KBTBD4: variants seen among roughly 807,000 people sequenced by gnomAD.
The protein encoded by KBTBD4 is kelch repeat and BTB domain containing 4.
KBTBD4 carries 30 observed loss-of-function variants against 43.9 expected under a neutral mutation model. The observed-to-expected ratio is 0.68, with a 90% confidence interval of 0.51 to 0.93. The LOEUF is 0.93. Ranked by LOEUF, KBTBD4 falls within the 40% of genes least tolerant of loss-of-function variation. KBTBD4 has a pLI of 0.00. For synonymous variants in KBTBD4, 258 were observed against 256.9 expected, an observed-to-expected ratio of 1.00 and a Z score of -0.04; for missense variants, 575 against 668.8, an observed-to-expected ratio of 0.86 and a Z score of 1.55.
intron 3 of KBTBD4, among the ~76,000 whole-genome samples, chr11:47,574,322 C>A (rs546970980): frequency 6.6e-6 from 1 of 152,136 alleles, no homozygotes; most frequent in South Asian, 2.1e-4. Context: ...TATGGTGAAA[C>A]CCTGTCTCTA....
chr11:47,578,347 G>A, intron 1 of KBTBD4: 1 of 570,676 alleles, frequency 1.8e-6, no homozygotes, highest in Non-Finnish European at 3.1e-6. Flanking sequence ...AAAGCAAAGG[G>A]CTGGGAGAGG....
At position 47,577,808 on chromosome 11, in the gene KBTBD4, TGA is replaced by T; in HGVS notation, c.238_239del (p.Ala81SerfsTer36). ...TGGATCGGAAGAAGCAGCTCTGAGC[TGA>T]GAGGACCAGCCGATGGAGCTGAAAC... ...REFQLHRLVL[S>X]AQSCFFRSMF... On this transcript the variant is annotated frameshift_variant, in exon 2 of 4. Transcript: ENST00000430070. LOFTEE classifies it high-confidence loss of function. 1 of 1,614,156 alleles carries T rather than the reference TGA, an allele frequency of 6.2e-7. No individual in the cohort carries two copies. Among genetic ancestry groups the T allele is most frequent in the Non-Finnish European group, 8.5e-7 (1 of 1,180,026 alleles).
intron 1 of KBTBD4, chr11:47,578,434 CA>C: frequency 1.8e-6 from 1 of 567,826 alleles, no homozygotes; most frequent in Non-Finnish European, 3.1e-6. Context: ...TAGAATCAGA[CA>C]AAAAGGACCC....
chr11:47,577,671 A>G lies in KBTBD4; in HGVS notation c.377T>C (p.Leu126Pro), dbSNP rs2097262515. 2 of 1,614,204 alleles carry G rather than the reference A, an allele frequency of 1.2e-6. No individual in the cohort carries two copies. Among genetic ancestry groups the G allele is most frequent in the South Asian group, 2.2e-5 (2 of 91,086 alleles). ...VDYIYHGTVKLRAEELQEIYE... is the reference protein window; with the variant it reads ...VDYIYHGTVKPRAEELQEIYE... Reference sequence around the variant, plus strand: ...AATTTCCTGCAACTCCTCAGCTCGAAGTTTCACAGTCCCATGGTAGATATA... The same window carrying G: ...AATTTCCTGCAACTCCTCAGCTCGAGGTTTCACAGTCCCATGGTAGATATA... Residue 126 changes from leucine to proline, a missense_variant, in exon 2 of 4, where the codon CTT becomes CCT. Leu to Pro is a moderately conservative substitution (Grantham distance 98, BLOSUM62 -3). Coordinates refer to ENST00000430070, the MANE Select transcript of KBTBD4 (RefSeq NM_018095.6).
chr11:47,574,385 T>C (rs1425567264), intron 3 of KBTBD4, among the ~76,000 whole-genome samples: 2 of 152,200 alleles, frequency 1.3e-5, no homozygotes, highest in East Asian at 3.9e-4. Context: ...TAGTCCCAGC[T>C]ACTCGGGAGG....
intron 1 of KBTBD4, chr11:47,578,655 C>A (rs1354365279): frequency 1.2e-6 from 1 of 861,386 alleles, no homozygotes. Context: ...ACTGGGAGGC[C>A]CATCACCCTG....
At position 47,572,278 on chromosome 11, in the gene KBTBD4, A is replaced by C. The variant is rs2097250385; in HGVS notation, c.*652T>G. On this transcript the variant is annotated 3_prime_UTR_variant, in exon 4 of 4. Transcript: ENST00000430070. The stretch of plus-strand genomic sequence containing the variant: ...GCTTTTAAAAGAGCAGACACCTTAT[A>C]TATTTGAGATTGAAAAAGTTTCTGC... The C allele has an allele frequency of 6.5e-6, 1 of 152,886 alleles. No individual in the cohort carries two copies. Among genetic ancestry groups the C allele is most frequent in the Non-Finnish European group, 1.5e-5 (1 of 68,232 alleles). 9.5% of individuals were successfully genotyped at this position (152,886 alleles called of 1,614,324 possible). A position where few individuals can be genotyped will look rare whatever the true frequency, so the allele number is the denominator to read the frequency against.
Position 47,573,825 on chromosome 11 carries a change from A to G in KBTBD4, c.745-35T>C, listed in dbSNP as rs746547341. ...AAATTAAAATTATATGACAGCTGTT[A>G]AATTCTAGGCTAAGGCTCAGCTAAG... On this transcript the variant is annotated intron_variant, in intron 3 of 3. Transcript: ENST00000430070. This position sits in a 1 kb window ranked among gnomAD's most constrained non-coding sequence, Gnocchi z 4.1. 33 of 1,541,598 alleles carry G rather than the reference A, an allele frequency of 2.1e-5. No individual in the cohort carries two copies. The Middle Eastern group carries it at 6.9e-4, about 32-fold the overall frequency.
chr11:47,572,864 C>T lies in KBTBD4; in HGVS notation c.*66G>A. Reference sequence around the variant, plus strand: ...AAAAACATAACTCTGAATTGGGGCCCAGGGGACTTTGAGTTTGTATGGGGA... The same window carrying T: ...AAAAACATAACTCTGAATTGGGGCCTAGGGGACTTTGAGTTTGTATGGGGA... On this transcript the variant is annotated 3_prime_UTR_variant, in exon 4 of 4. Coordinates refer to ENST00000430070, the MANE Select transcript of KBTBD4 (RefSeq NM_018095.6). 1 of 1,529,976 alleles carries T rather than the reference C, an allele frequency of 6.5e-7. No individual in the cohort carries two copies. The highest frequency in any genetic ancestry group is 8.9e-7 in the Non-Finnish European group (1 of 1,129,568). The allele number at this position is 1,529,976 out of a possible 1,614,324, so 94.8% of individuals were successfully genotyped here. A position where few individuals can be genotyped will look rare whatever the true frequency, so the allele number is the denominator to read the frequency against.
rs138203231 is a variant in KBTBD4, at chr11:47,577,788, C to T, written c.260G>A (p.Arg87Gln). ...LVLSAQSCFF[R>Q]SMFTSNLKEA... ...CTTCAGGTTGGAAGTGAACATGGAT[C>T]GGAAGAAGCAGCTCTGAGCTGAGAG... The change falls in exon 2 of 4, where the codon CGA (arginine) becomes CAA (glutamine). Residue 87 changes from arginine (R) to glutamine (Q), a missense_variant. By Grantham distance (43) the Arg-to-Gln change is conservative (BLOSUM62 1). Transcript: ENST00000430070. 161 of 1,614,038 alleles carry T rather than the reference C, an allele frequency of 1.0e-4. No individual in the cohort carries two copies. The highest frequency in any genetic ancestry group is 3.6e-4 in the African/African-American group (27 of 74,906).
intron 3 of KBTBD4, among the ~76,000 whole-genome samples, chr11:47,575,024 G>C (rs1441550033): frequency 6.6e-6 from 1 of 151,918 alleles, no homozygotes; most frequent in Non-Finnish European, 1.5e-5. Context: ...AGACCAGCCT[G>C]GCCAACATGG....
intron 3 of KBTBD4, 131 bp downstream of exon 3, chr11:47,575,462 G>C (rs1280757128): frequency 1.7e-6 from 1 of 599,526 alleles, no homozygotes; most frequent in Non-Finnish European, 3.0e-6. Flanking sequence ...AGCCGAGATT[G>C]CGCCACTGCA....
chr11:47,576,252 C>T (rs2097259311), intron 2 of KBTBD4, among the ~76,000 whole-genome samples: 1 of 146,886 alleles, frequency 6.8e-6, no homozygotes. Context: ...CTGCAAGCTC[C>T]ACCTCCCGGG....
intron 3 of KBTBD4, 108 bp downstream of exon 3, chr11:47,575,485 C>T (rs1466882526): frequency 7.4e-5 from 52 of 704,970 alleles, no homozygotes; most frequent in East Asian, 6.2e-4. Flanking sequence ...CCAGCCTGGA[C>T]GACAGAGCAA....
chr11:47,578,377 TACTA>T, intron 1 of KBTBD4: 1 of 561,918 alleles, frequency 1.8e-6, no homozygotes, highest in Non-Finnish European at 3.1e-6. Flanking sequence ...GTAAAAGCCT[TACTA>T]ACCAAATAAC....
rs1565933467 is a variant in KBTBD4 at position 47,575,673 on chromosome 11, T to C, written c.664A>G (p.Thr222Ala). 3.1e-6 allele frequency: 5 copies of C among 1,612,496 alleles called. No homozygotes were observed. Among genetic ancestry groups the C allele is most frequent in the East Asian group, 2.2e-5 (1 of 44,874 alleles). The change falls in exon 3 of 4, where the codon ACA becomes GCA. Residue 222 changes from threonine to alanine, a missense_variant. By Grantham distance (58) the Thr-to-Ala change is moderately conservative (BLOSUM62 0). Transcript: ENST00000430070. The part of the protein sequence containing the change: ...SDGVPCSQNP[T>A]EAIEAWINFN... ...TTGATCCAGGCTTCTATTGCCTCTG[T>C]TGGGTTCTGAGAACACGGAACTCCA...
At chr11:47,575,102 T>C (rs2153793755) in intron 3 of KBTBD4, among the ~76,000 whole-genome samples, 1 of 150,716 alleles carries the variant, frequency 6.6e-6, no homozygotes, top group South Asian at 2.1e-4. Flanking sequence ...CCCACCTACT[T>C]GGGAGGCTAA....
Position 47,573,613 on chromosome 11 carries a change from C to T in KBTBD4, c.922G>A (p.Gly308Arg). 4 of 1,614,096 alleles carry T rather than the reference C, an allele frequency of 2.5e-6. No individual in the cohort carries two copies. The highest frequency in any genetic ancestry group is 3.4e-6 in the Non-Finnish European group (4 of 1,180,018). Reference protein sequence around the residue: ...KHGGDLYVVGGSIPRRMWKCN... With the variant: ...KHGGDLYVVGRSIPRRMWKCN... ...TTCCACATGCGCCGTGGGATGGACC[C>T]TCCCACCACATACAAGTCTCCACCA... The change falls in exon 4 of 4, where the codon GGG (glycine) becomes AGG (arginine). Residue 308 changes from glycine to arginine, a missense_variant. By Grantham distance (125) the Gly-to-Arg change is moderately radical (BLOSUM62 -2). Coordinates refer to ENST00000430070, the MANE Select transcript of KBTBD4 (RefSeq NM_018095.6). This position sits in a 1 kb window ranked among gnomAD's most constrained non-coding sequence, Gnocchi z 4.1.
In KBTBD4 at chr11:47,573,544, G is replaced by A; in HGVS notation, c.991C>T (p.Pro331Ser). 2 of 1,614,212 alleles carry A rather than the reference G, an allele frequency of 1.2e-6. No individual in the cohort carries two copies. Among genetic ancestry groups the A allele is most frequent in the East Asian group, 2.2e-5 (1 of 44,882 alleles). Residue 331 changes from proline (P) to serine (S), a missense_variant, in exon 4 of 4, where the codon CCT (proline) becomes TCT (serine). Physicochemically the swap from Pro to Ser is moderately conservative, Grantham distance 74 (BLOSUM62 -1). Coordinates refer to ENST00000430070, the MANE Select transcript of KBTBD4 (RefSeq NM_018095.6). This position sits in a 1 kb window ranked among gnomAD's most constrained non-coding sequence, Gnocchi z 4.1. ...TVDWEWCAPL[P>S]RDRLQHTLVS... ...AGGGTGTGCTGGAGCCGGTCCCGAG[G>A]CAAAGGAGCACACCACTCCCAGTCA...
Sources: gnomAD v4.1 joint callset for allele counts (sites outside exome capture counted in the v4.1 genomes callset) on GRCh38, gnomAD v4.1.1 for gene constraint, Gnocchi (gnomAD v3.1) non-coding constraint, MANE v1.5 for transcripts, NCBI Gene and HGNC (gene_info 2026-07-23, HGNC 2026-07-21) for gene names.